EYS: variants seen among roughly 807,000 people sequenced by gnomAD.
The protein encoded by EYS is protein eyes shut homolog.
A neutral mutation model predicts 282.1 loss-of-function variants in EYS; 250 were observed. That is an observed-to-expected ratio of 0.89 (90% CI 0.80 to 0.98). The LOEUF (loss-of-function observed/expected upper bound fraction) is 0.98, where lower values mean the gene tolerates loss of function less well. Among genes scored for constraint, EYS ranks in the 50% least tolerant of loss-of-function variants. The pLI is 0.00. For synonymous variants in EYS, 1,355 were observed against 1,282.9 expected (o/e 1.06, Z -1.20); for missense variants, 4,016 against 3,709.0 (o/e 1.08, Z -2.15).
intron 5 of EYS, among the ~76,000 whole-genome samples, chr6:65,483,316 G>T (rs574244986): frequency 2.0e-5 from 3 of 152,066 alleles, no homozygotes; most frequent in East Asian, 1.9e-4. Context: ...ATATTTATTT[G>T]CAGCCTTAAT....
At chr6:65,657,519 A>C (rs530529314) in intron 1 of EYS, among the ~76,000 whole-genome samples, 1 of 151,918 alleles carries the variant, frequency 6.6e-6, no homozygotes, top group Non-Finnish European at 1.5e-5. Flanking sequence ...ATGTGGTAGA[A>C]ATAGCAAGAG....
chr6:64,126,671 A>G (rs1019854000), intron 31 of EYS, among the ~76,000 whole-genome samples: 1 of 152,172 alleles, frequency 6.6e-6, no homozygotes, highest in African/African-American at 2.4e-5. Flanking sequence ...TCTTTCAAAG[A>G]GCAGTTCAAG....
At chr6:64,447,105 T>A (rs1332383184) in intron 26 of EYS, among the ~76,000 whole-genome samples, 3 of 152,098 alleles carry the variant, frequency 2.0e-5, no homozygotes, top group Non-Finnish European at 4.4e-5. Flanking sequence ...ACTATGCTGT[T>A]TATTAAGAAA....
chr6:63,985,719 CT>C (rs1202244007), intron 34 of EYS, among the ~76,000 whole-genome samples: 2 of 151,814 alleles, frequency 1.3e-5, no homozygotes, highest in African/African-American at 4.8e-5. Flanking sequence ...GGATTACTGG[CT>C]AGCCATATGC....
At chr6:64,829,528 C>T (rs1344769784) in intron 19 of EYS, among the ~76,000 whole-genome samples, 1 of 151,896 alleles carries the variant, frequency 6.6e-6, no homozygotes, top group African/African-American at 2.4e-5. Context: ...AATATGAGAG[C>T]TCTCATAATA....
rs908583068 is a variant in EYS, at chr6:64,945,926, T to C, written c.2260-12A>G. 27 of 1,535,766 alleles carry C rather than the reference T, an allele frequency of 1.8e-5. No homozygotes were observed. The East Asian group carries it at 5.2e-4, about 29-fold the overall frequency. Reference sequence around the variant, plus strand: ...ACACACTGGTAGCTCTAAGAGAATATGAAATTATATATTTTTAGGCTATTT... The same window carrying C: ...ACACACTGGTAGCTCTAAGAGAATACGAAATTATATATTTTTAGGCTATTT... On this transcript the variant is annotated splice_polypyrimidine_tract_variant and intron_variant, in intron 14 of 42. Coordinates refer to ENST00000503581, the MANE Select transcript of EYS (RefSeq NM_001142800.2).
At chr6:64,853,279 T>C (rs1016699724) in intron 19 of EYS, among the ~76,000 whole-genome samples, 1 of 152,190 alleles carries the variant, frequency 6.6e-6, no homozygotes, top group Non-Finnish European at 1.5e-5. Context: ...GGTATACTAA[T>C]GACAGTACAC....
chr6:65,640,257 G>A (rs1767232032), intron 1 of EYS, among the ~76,000 whole-genome samples: 1 of 152,168 alleles, frequency 6.6e-6, no homozygotes, highest in African/African-American at 2.4e-5. Flanking sequence ...GGAAAGAAAT[G>A]TTAGGGAAAT....
At chr6:65,537,485 A>G (rs1189355005) in intron 2 of EYS, among the ~76,000 whole-genome samples, 1 of 152,052 alleles carries the variant, frequency 6.6e-6, no homozygotes, top group Non-Finnish European at 1.5e-5. Flanking sequence ...GTTTATGTAT[A>G]CATAACACAC....
intron 2 of EYS, among the ~76,000 whole-genome samples, chr6:65,566,103 A>AG (rs1769270813): frequency 6.6e-6 from 1 of 151,766 alleles, no homozygotes; most frequent in African/African-American, 2.4e-5. Flanking sequence ...ATTAAAAAAA[A>AG]AAAGAATTGA....
chr6:64,722,810 G>A (rs574684835), intron 22 of EYS, among the ~76,000 whole-genome samples: 93 of 152,142 alleles, frequency 6.1e-4, no homozygotes, highest in African/African-American at 2.1e-3. Flanking sequence ...AATCTAAAAA[G>A]TGATAGATTC....
At position 64,086,237 on chromosome 6, in the gene EYS, A is replaced by G. The variant is rs539587693; in HGVS notation, c.6425-4235T>C. ...CCCAAACTAGTTGCTAGATCCTGAC[A>G]CTTGCTTAAATCAAAGCTTTTGTCT... is the stretch of plus-strand genomic sequence containing the variant. On this transcript the variant is annotated intron_variant, in intron 31 of 42. Coordinates refer to ENST00000503581, the MANE Select transcript of EYS (RefSeq NM_001142800.2). Among the ~76,000 whole-genome samples, 11 of 152,316 alleles carry G rather than the reference A, an allele frequency of 7.2e-5. No individual in the cohort carries two copies. The East Asian group carries it at 1.7e-3, about 24-fold the overall frequency.
chr6:65,403,134 T>C (rs1462793430), intron 6 of EYS, among the ~76,000 whole-genome samples: 1 of 151,856 alleles, frequency 6.6e-6, no homozygotes, highest in Non-Finnish European at 1.5e-5. Flanking sequence ...CTAAACAATA[T>C]CCTAGCTGAG....
At chr6:64,678,311 C>T (rs1562128781) in intron 22 of EYS, among the ~76,000 whole-genome samples, 1 of 152,224 alleles carries the variant, frequency 6.6e-6, no homozygotes, top group African/African-American at 2.4e-5. Flanking sequence ...GGTGCGGTGG[C>T]TCACACCTGT....
At chr6:64,032,063 G>A (rs1281706279) in intron 33 of EYS, among the ~76,000 whole-genome samples, 2 of 152,114 alleles carry the variant, frequency 1.3e-5, no homozygotes, top group African/African-American at 2.4e-5. Context: ...CACCCCTGAA[G>A]CCAGCGAGAC....
At chr6:64,973,455 G>T (rs977604825) in intron 14 of EYS, among the ~76,000 whole-genome samples, 3 of 151,982 alleles carry the variant, frequency 2.0e-5, no homozygotes, top group Non-Finnish European at 4.4e-5. Context: ...ACATAATTTA[G>T]CTTGGCGGGT....
chr6:63,923,556 A>G (rs1202998038), intron 35 of EYS, among the ~76,000 whole-genome samples: 2 of 152,222 alleles, frequency 1.3e-5, no homozygotes, highest in Non-Finnish European at 2.9e-5. Flanking sequence ...AAAAATTTTT[A>G]TAAGAAAAAA....
intron 14 of EYS, among the ~76,000 whole-genome samples, chr6:64,973,118 T>C (rs1770353193): frequency 6.6e-6 from 1 of 152,084 alleles, no homozygotes; most frequent in African/African-American, 2.4e-5. Context: ...CCGAAAGGAC[T>C]AGAAATACTG....
chr6:64,284,920 T>C (rs959742443), intron 30 of EYS, among the ~76,000 whole-genome samples: 3 of 152,064 alleles, frequency 2.0e-5, no homozygotes, highest in Non-Finnish European at 2.9e-5. Context: ...CACAAAACCA[T>C]TTTTTCCTAT....
Sources: allele counts gnomAD v4.1 joint callset (sites outside exome capture counted in the v4.1 genomes callset), GRCh38; gene constraint gnomAD v4.1.1; transcripts MANE v1.5; gene names NCBI Gene and HGNC (gene_info 2026-07-23, HGNC 2026-07-21).